Variants in EYA2 observed in about 807,000 individuals in gnomAD.
EYA2 encodes the protein EYA transcriptional coactivator and phosphatase 2, also known as protein phosphatase EYA2.
Under a neutral mutation model 69.2 loss-of-function variants are expected in EYA2, and 31 were observed. The observed-to-expected ratio is 0.45, with a 90% CI of 0.34 to 0.60. The LOEUF (loss-of-function observed/expected upper bound fraction) is 0.60. EYA2 is among the 20% of genes least tolerant of loss of function. The pLI, the probability that EYA2 is intolerant of heterozygous loss-of-function variation, is 0.02. For synonymous variants in EYA2, 257 were observed against 279.4 expected (o/e 0.92, Z 0.80); for missense variants, 622 against 701.2 (o/e 0.89, Z 1.28).
chr20:47,099,383 T>G (rs1311260689), intron 9 of EYA2, among the ~76,000 whole-genome samples: 1 of 152,096 alleles, frequency 6.6e-6, no homozygotes, highest in Non-Finnish European at 1.5e-5. Context: ...ACTTAAAAAT[T>G]AGCCTGGTGT....
intron 2 of EYA2, among the ~76,000 whole-genome samples, chr20:46,990,802 AC>A (rs1981607104): frequency 6.6e-6 from 1 of 151,740 alleles, no homozygotes; most frequent in Non-Finnish European, 1.5e-5. Context: ...TTGTCCTGAG[AC>A]CCCCTCGTTG....
intron 4 of EYA2, among the ~76,000 whole-genome samples, chr20:47,013,260 C>T (rs1983188375): frequency 6.6e-6 from 1 of 152,100 alleles, no homozygotes; most frequent in Non-Finnish European, 1.5e-5. Flanking sequence ...GAGTGCCAGG[C>T]AGGAGAACTG....
At chr20:47,036,453 C>T (rs1293246914) in intron 5 of EYA2, among the ~76,000 whole-genome samples, 5 of 152,150 alleles carry the variant, frequency 3.3e-5, no homozygotes, top group Non-Finnish European at 5.9e-5. Context: ...GGTTCTGGTG[C>T]ACACGGGCAT....
Position 46,942,859 on chromosome 20 carries a change from C to T in EYA2, c.-10-47142C>T, listed in dbSNP as rs771758334. ...CGGCTCACTACAACCTCCTCCTCCC[C>T]GGTTCAAGCGATTCTCCTGTCTCAG... On this transcript the variant is annotated intron_variant, in intron 1 of 15. Coordinates refer to ENST00000327619, the MANE Select transcript of EYA2 (RefSeq NM_005244.5). 3.9e-4 allele frequency among the ~76,000 whole-genome samples: 59 copies of T among 152,140 alleles called. 1 individual carries two copies. Among genetic ancestry groups the T allele is most frequent in the Non-Finnish European group, 4.1e-4 (28 of 68,022 alleles).
chr20:47,176,987 G>A (rs531259363), intron 12 of EYA2, among the ~76,000 whole-genome samples: 19 of 152,040 alleles, frequency 1.2e-4, no homozygotes, highest in African/African-American at 3.9e-4. Context: ...AGATAGAGAC[G>A]GGATTTCACC....
intron 1 of EYA2, among the ~76,000 whole-genome samples, chr20:46,922,293 G>A (rs937861915): frequency 2.6e-5 from 4 of 152,118 alleles, no homozygotes; most frequent in Admixed American, 1.3e-4. Flanking sequence ...TTACACTAAT[G>A]GTAATTTTAG....
intron 9 of EYA2, among the ~76,000 whole-genome samples, chr20:47,136,740 T>C (rs1250571733): frequency 9.4e-6 from 1 of 106,020 alleles, no homozygotes; most frequent in Non-Finnish European, 2.2e-5. Flanking sequence ...AGACCCTGTC[T>C]CAAAAAAAAA....
intron 1 of EYA2, among the ~76,000 whole-genome samples, chr20:46,938,605 G>T (rs1047637023): frequency 5.9e-5 from 9 of 152,146 alleles, no homozygotes; most frequent in East Asian, 1.9e-4. Context: ...GGCTGGGGCT[G>T]CTCATGACAC....
intron 1 of EYA2, among the ~76,000 whole-genome samples, chr20:46,973,710 A>C (rs1334685773): frequency 6.6e-6 from 1 of 151,854 alleles, no homozygotes; most frequent in Non-Finnish European, 1.5e-5. Context: ...TCATTCCACT[A>C]TTCTGTCTGC....
intron 7 of EYA2, among the ~76,000 whole-genome samples, chr20:47,088,394 G>A (rs767621258): frequency 1.3e-5 from 2 of 152,144 alleles, no homozygotes; most frequent in African/African-American, 4.8e-5. Flanking sequence ...AGATAAATAC[G>A]TGTTGCCCTC....
intron 1 of EYA2, among the ~76,000 whole-genome samples, chr20:46,914,004 A>T (rs945567858): frequency 2.0e-5 from 3 of 151,682 alleles, no homozygotes; most frequent in Non-Finnish European, 2.9e-5. Context: ...CCCCTTTACC[A>T]CTCTGCTGTC....
At chr20:47,032,079 G>C (rs1479260355) in intron 5 of EYA2, among the ~76,000 whole-genome samples, 1 of 152,186 alleles carries the variant, frequency 6.6e-6, no homozygotes, top group Non-Finnish European at 1.5e-5. Flanking sequence ...GGCACAGACA[G>C]ACACACAGAC....
intron 9 of EYA2, among the ~76,000 whole-genome samples, chr20:47,130,879 C>G (rs1189181024): frequency 2.0e-5 from 3 of 152,148 alleles, no homozygotes; most frequent in African/African-American, 7.2e-5. Context: ...CACCTGAGGT[C>G]AGGAGTTCAA....
chr20:46,991,980 A>AAAAAC (rs1981696486), intron 2 of EYA2, among the ~76,000 whole-genome samples: 1 of 142,014 alleles, frequency 7.0e-6, no homozygotes, highest in Admixed American at 7.0e-5. Flanking sequence ...AAAAAAAAAA[A>AAAAAC]AAAAAACGCT....
At chr20:47,095,354 G>A (rs1464250963) in intron 8 of EYA2, among the ~76,000 whole-genome samples, 1 of 151,982 alleles carries the variant, frequency 6.6e-6, no homozygotes, top group East Asian at 1.9e-4. Context: ...CAACCCAAAA[G>A]GTTTGATTTG....
chr20:47,072,072 C>T, intron 5 of EYA2, 113 bp from the exon 6 acceptor site: 1 of 946,782 alleles, frequency 1.1e-6, no homozygotes. Context: ...AGCTTCTGCC[C>T]AGCTGTCACC....
rs3092574 is a variant in EYA2, at chr20:47,022,655, CT to C, written c.415+6378del. Among the ~76,000 whole-genome samples, 131 of 105,592 alleles carry C rather than the reference CT, an allele frequency of 1.2e-3. 1 individual carries two copies. Among genetic ancestry groups the C allele is most frequent in the African/African-American group, 4.4e-3 (121 of 27,252 alleles). The allele number at this position is 105,592 out of a possible 152,430, so 69.3% of individuals were successfully genotyped here. ...ATATAACTCACATCCTAAACTTCAC[CT>C]TTTTTTTTTTTTTTTTTTTGAGGCA... On this transcript the variant is annotated intron_variant, in intron 5 of 15. Transcript: ENST00000327619.
intron 9 of EYA2, among the ~76,000 whole-genome samples, chr20:47,133,235 C>T (rs3827053): frequency 6.6e-6 from 1 of 152,068 alleles, no homozygotes; most frequent in Non-Finnish European, 1.5e-5. Flanking sequence ...GAGCCTAGAT[C>T]TACCAGCTCA....
At chr20:47,125,059 T>G (rs1193292166) in intron 9 of EYA2, among the ~76,000 whole-genome samples, 4 of 131,398 alleles carry the variant, frequency 3.0e-5, no homozygotes, top group Non-Finnish European at 6.0e-5. Context: ...TTTTTTTTTT[T>G]TTTTTTTTTT....
Sources: allele counts gnomAD v4.1 joint callset (sites outside exome capture counted in the v4.1 genomes callset), GRCh38; gene constraint gnomAD v4.1.1; transcripts MANE v1.5; gene names NCBI Gene and HGNC (gene_info 2026-07-23, HGNC 2026-07-21).